Variants in AHCYL1 observed in about 807,000 individuals in gnomAD.
AHCYL1 encodes the protein S-adenosylhomocysteine hydrolase-like protein 1.
In AHCYL1, 20 loss-of-function variants were observed where a neutral mutation model predicts 79.3. That is an observed-to-expected ratio of 0.25 (90% CI 0.18 to 0.37). The LOEUF (loss-of-function observed/expected upper bound fraction) is 0.37, where lower values mean the gene tolerates loss of function less well. AHCYL1 is among the 10% of genes least tolerant of loss of function. The pLI is 1.00. For missense variants in AHCYL1, 330 were observed against 673.6 expected (o/e 0.49, Z 5.65); for synonymous variants, 223 against 242.2 (o/e 0.92, Z 0.74).
At position 109,984,865 on chromosome 1, in the gene AHCYL1, C is replaced by G; in HGVS notation, c.-188C>G. On this transcript the variant is annotated 5_prime_UTR_variant, in exon 1 of 17. Coordinates refer to ENST00000369799, the MANE Select transcript of AHCYL1 (RefSeq NM_006621.7). ...TCTTGTGGCCGCCGTCGCTGTCCGG[C>G]TGCCTTGGGCTGCCGAACAGACAAG... 1.1e-6 allele frequency: 1 copy of G among 927,784 alleles called. No individual in the cohort carries two copies. The highest frequency in any genetic ancestry group is 1.4e-6 in the Non-Finnish European group (1 of 708,948). The allele number at this position is 927,784 out of a possible 1,614,324, so 57.5% of individuals were successfully genotyped here. A position where few individuals can be genotyped will look rare whatever the true frequency, so the allele number is the denominator to read the frequency against.
In AHCYL1 at chr1:110,018,237, A is replaced by T. The variant is rs551614211; in HGVS notation, c.1124-136A>T. 53 of 924,080 alleles carry T rather than the reference A, an allele frequency of 5.7e-5. No homozygotes were observed. In the African/African-American group the frequency reaches 8.0e-4, roughly 14 times the overall value. 57.2% of individuals were successfully genotyped at this position (924,080 alleles called of 1,614,324 possible). ...AGACCAGATAGCCTAAGGAGCGGTT[A>T]TGCATGTCTTCTCTCAGAATGTCTA... On this transcript the variant is annotated intron_variant, in intron 11 of 16. Coordinates refer to ENST00000369799, the MANE Select transcript of AHCYL1 (RefSeq NM_006621.7).
chr1:110,017,590 A>G lies in AHCYL1; in HGVS notation c.1052+7A>G. 6 of 1,612,310 alleles carry G rather than the reference A, an allele frequency of 3.7e-6. No homozygotes were observed. Among genetic ancestry groups the G allele is most frequent in the Non-Finnish European group, 5.1e-6 (6 of 1,178,392 alleles). ...TCTGTGCTCTGCAGGCCTGGTAAGAACAGAGTGATAATACTATTAGATTCA... is the reference window on the plus strand; with the variant it reads ...TCTGTGCTCTGCAGGCCTGGTAAGAGCAGAGTGATAATACTATTAGATTCA... On this transcript the variant is annotated splice_region_variant and intron_variant, in intron 10 of 16. Transcript: ENST00000369799.
chr1:109,993,205 G>A (rs193241150), intron 1 of AHCYL1, among the ~76,000 whole-genome samples: 43 of 152,292 alleles, frequency 2.8e-4, no homozygotes, highest in African/African-American at 9.6e-4. Context: ...AGCTGATTCC[G>A]TAGGAGTGTT....
intron 1 of AHCYL1, among the ~76,000 whole-genome samples, chr1:110,001,327 C>T (rs1570860990): frequency 6.6e-6 from 1 of 152,200 alleles, no homozygotes; most frequent in South Asian, 2.1e-4. Flanking sequence ...GCTGGGACTA[C>T]AGGCACACGC....
intron 1 of AHCYL1, 78 bp downstream of exon 1, chr1:109,985,250 T>C (rs1338955302): frequency 4.6e-6 from 7 of 1,522,910 alleles, no homozygotes; most frequent in African/African-American, 1.4e-5. Flanking sequence ...GGGCTCTGGC[T>C]AGTTTGGGAC....
intron 15 of AHCYL1, 130 bp downstream of exon 15, chr1:110,019,756 G>C (rs1392720261): frequency 7.5e-6 from 6 of 801,812 alleles, no homozygotes; most frequent in Non-Finnish European, 9.9e-6. Context: ...TTTGACCTCA[G>C]GACAAGTTCT....
At chr1:110,010,288 G>C (rs553750146) in intron 2 of AHCYL1, among the ~76,000 whole-genome samples, 5 of 152,202 alleles carry the variant, frequency 3.3e-5, no homozygotes, top group Non-Finnish European at 5.9e-5. Flanking sequence ...ATCTTTAGTA[G>C]TATTTGTGTT....
intron 1 of AHCYL1, 180 bp downstream of exon 1, chr1:109,985,352 C>T (rs927159606): frequency 1.5e-6 from 2 of 1,325,794 alleles, no homozygotes; most frequent in Non-Finnish European, 1.9e-6. Context: ...CGCCTCTGAC[C>T]TCGCTTTCCT....
At chr1:109,999,704 A>T (rs376197939) in intron 1 of AHCYL1, among the ~76,000 whole-genome samples, 1,707 of 148,190 alleles carry the variant, frequency 0.012, 18 homozygotes, top group South Asian at 0.044. Context: ...CAATGGTAAA[A>T]TTTTTTTTTT....
At chr1:110,015,770 G>C (rs1570888271) in intron 7 of AHCYL1, among the ~76,000 whole-genome samples, 1 of 152,182 alleles carries the variant, frequency 6.6e-6, no homozygotes, top group African/African-American at 2.4e-5. Context: ...AACTAGTGTT[G>C]AGGGGCGGGT....
chr1:110,012,660 A>G (rs1651113636), intron 4 of AHCYL1, among the ~76,000 whole-genome samples, 198 bp downstream of exon 4: 1 of 152,126 alleles, frequency 6.6e-6, no homozygotes, highest in Non-Finnish European at 1.5e-5. Flanking sequence ...GACCTAGGAA[A>G]GTCTAGATTT....
intron 1 of AHCYL1, among the ~76,000 whole-genome samples, chr1:109,986,784 A>G (rs1262611199): frequency 2.0e-5 from 3 of 152,100 alleles, no homozygotes; most frequent in Non-Finnish European, 4.4e-5. Context: ...ATTCTTGTTC[A>G]CCTTTGTATC....
chr1:110,001,021 A>G (rs1263656115), intron 1 of AHCYL1: 16 of 931,490 alleles, frequency 1.7e-5, no homozygotes, highest in Non-Finnish European at 1.9e-5. Flanking sequence ...TGTACAATCA[A>G]CTTTAAGTAA....
chr1:110,018,183 C>T (rs114503002), intron 11 of AHCYL1, among the ~76,000 whole-genome samples, 167 bp downstream of exon 11: 1,702 of 152,198 alleles, frequency 0.011, 35 homozygotes, highest in African/African-American at 0.04. Context: ...ACTTTTTTCC[C>T]TGGTGACTTT....
chr1:110,019,503 C>CT (rs768888024), intron 14 of AHCYL1, 45 bp from the exon 15 acceptor site: 5 of 1,534,682 alleles, frequency 3.3e-6, no homozygotes, highest in Middle Eastern at 3.5e-4. Flanking sequence ...ATGTGCCTGT[C>CT]TAAGAAATAT....
intron 1 of AHCYL1, among the ~76,000 whole-genome samples, chr1:110,001,898 CAG>C (rs1650332971): frequency 6.6e-6 from 1 of 152,158 alleles, no homozygotes; most frequent in Non-Finnish European, 1.5e-5. Flanking sequence ...CTCAGTCACA[CAG>C]AAAATAGTAC....
chr1:110,014,889 A>T (rs1651304549), intron 6 of AHCYL1, 32 bp downstream of exon 6: 1 of 1,581,300 alleles, frequency 6.3e-7, no homozygotes, highest in African/African-American at 1.3e-5. Context: ...ACACTTTGAC[A>T]ATAGATTTAT....
chr1:110,020,091 C>T (rs1009203713), intron 15 of AHCYL1, among the ~76,000 whole-genome samples: 20 of 152,200 alleles, frequency 1.3e-4, no homozygotes, highest in African/African-American at 4.3e-4. Flanking sequence ...TGCCTTTCTG[C>T]ACGGTGTACC....
At chr1:110,011,486 C>T (rs529832242) in intron 3 of AHCYL1, 129 bp downstream of exon 3, 44 of 1,240,192 alleles carry the variant, frequency 3.5e-5, no homozygotes, top group Admixed American at 3.2e-4. Flanking sequence ...TATGGACTTT[C>T]GGATAAACAC....
Sources: gnomAD v4.1 joint callset for allele counts (sites outside exome capture counted in the v4.1 genomes callset) on GRCh38, gnomAD v4.1.1 for gene constraint, MANE v1.5 for transcripts, NCBI Gene and HGNC (gene_info 2026-07-23, HGNC 2026-07-21) for gene names.